The following PCCA variants were observed in gnomAD, a reference collection of about 807,000 sequenced individuals.
PCCA encodes the protein propionyl-CoA carboxylase subunit alpha.
A neutral mutation model predicts 101.3 loss-of-function variants in PCCA; 74 were observed. The ratio of observed to expected loss-of-function variants is 0.73; its 90% confidence interval spans 0.61 to 0.89. The LOEUF (loss-of-function observed/expected upper bound fraction) is 0.89. PCCA is among the 40% of genes least tolerant of loss of function. The pLI is 0.00. For missense variants in PCCA, 891 were observed against 907.0 expected (o/e 0.98, Z 0.23); for synonymous variants, 294 against 313.6 (o/e 0.94, Z 0.66).
At chr13:100,343,316 A>G (rs945701985) in intron 18 of PCCA, among the ~76,000 whole-genome samples, 1 of 151,856 alleles carries the variant, frequency 6.6e-6, no homozygotes, top group Non-Finnish European at 1.5e-5. Context: ...GCTCAGCATC[A>G]TCGGTCAGTG....
At chr13:100,332,979 G>T (rs2069868538) in intron 17 of PCCA, among the ~76,000 whole-genome samples, 1 of 152,166 alleles carries the variant, frequency 6.6e-6, no homozygotes, top group East Asian at 1.9e-4. Flanking sequence ...TATTTGAGTA[G>T]TCTTTGAGTT....
intron 6 of PCCA, among the ~76,000 whole-genome samples, chr13:100,179,309 A>T (rs2056555596): frequency 6.6e-6 from 1 of 152,120 alleles, no homozygotes; most frequent in Non-Finnish European, 1.5e-5. Context: ...AATGACTTTC[A>T]TGCCACCCTT....
chr13:100,310,138 A>G (rs1468771890), intron 16 of PCCA, among the ~76,000 whole-genome samples: 1 of 152,210 alleles, frequency 6.6e-6, no homozygotes, highest in Non-Finnish European at 1.5e-5. Context: ...ATTACTCTAT[A>G]TAACCAGTAC....
intron 7 of PCCA, among the ~76,000 whole-genome samples, chr13:100,231,651 G>A (rs1327305704): frequency 6.6e-6 from 1 of 152,082 alleles, no homozygotes; most frequent in African/African-American, 2.4e-5. Flanking sequence ...GATTCTTATG[G>A]TAAAAAAGTT....
intron 20 of PCCA, among the ~76,000 whole-genome samples, chr13:100,443,955 C>T (rs902615668): frequency 4.6e-5 from 7 of 152,036 alleles, no homozygotes; most frequent in Non-Finnish European, 8.8e-5. Flanking sequence ...CTCAGACCAC[C>T]GTCTTTCTAA....
intron 21 of PCCA, among the ~76,000 whole-genome samples, chr13:100,503,953 G>T (rs1200978966): frequency 6.6e-6 from 1 of 152,130 alleles, no homozygotes; most frequent in East Asian, 1.9e-4. Flanking sequence ...AAATGTATTT[G>T]TAGTATACAT....
chr13:100,349,108 A>G (rs1238893839), intron 18 of PCCA, among the ~76,000 whole-genome samples: 1 of 150,966 alleles, frequency 6.6e-6, no homozygotes, highest in Non-Finnish European at 1.5e-5. Context: ...AGGCCCGGCT[A>G]ATTTTTGTAT....
chr13:100,228,292 A>G (rs1179908468), intron 7 of PCCA, among the ~76,000 whole-genome samples: 1 of 152,222 alleles, frequency 6.6e-6, no homozygotes, highest in Non-Finnish European at 1.5e-5. Context: ...CTGGGATTAC[A>G]GGCGTGAGCC....
chr13:100,447,273 A>G (rs994540215), intron 20 of PCCA, among the ~76,000 whole-genome samples: 1 of 152,000 alleles, frequency 6.6e-6, no homozygotes, highest in Non-Finnish European at 1.5e-5. Context: ...AGTCCCAGCT[A>G]CTTGGGAGGC....
intron 21 of PCCA, among the ~76,000 whole-genome samples, chr13:100,471,537 A>T (rs1205809492): frequency 6.6e-6 from 1 of 152,254 alleles, no homozygotes; most frequent in East Asian, 1.9e-4. Context: ...GAAGCCTAAT[A>T]AAATGAGGTA....
intron 17 of PCCA, among the ~76,000 whole-genome samples, chr13:100,334,131 T>G (rs1036540540): frequency 6.6e-6 from 1 of 152,088 alleles, no homozygotes; most frequent in African/African-American, 2.4e-5. Context: ...GGAAACCCAG[T>G]TCCATTTGAG....
At chr13:100,248,904 G>T (rs933177771) in intron 8 of PCCA, among the ~76,000 whole-genome samples, 9 of 151,704 alleles carry the variant, frequency 5.9e-5, no homozygotes, top group Non-Finnish European at 1.3e-4. Flanking sequence ...CCGCCACCAC[G>T]CCTGGCTAAT....
chr13:100,315,723 G>C (rs2067286285), intron 16 of PCCA, among the ~76,000 whole-genome samples: 1 of 152,134 alleles, frequency 6.6e-6, no homozygotes, highest in Non-Finnish European at 1.5e-5. Flanking sequence ...ACTCCTAGGG[G>C]CCTCTTCTCT....
intron 7 of PCCA, among the ~76,000 whole-genome samples, chr13:100,234,769 A>C (rs1316805177): frequency 6.6e-6 from 1 of 151,866 alleles, no homozygotes; most frequent in Non-Finnish European, 1.5e-5. Context: ...AGCTTAAAAA[A>C]CACTGGGCTT....
At chr13:100,382,821 TATAAG>T (rs766564333) in intron 19 of PCCA, among the ~76,000 whole-genome samples, 9 of 152,060 alleles carry the variant, frequency 5.9e-5, no homozygotes, top group South Asian at 4.2e-4. Context: ...AATCTGTACT[TATAAG>T]GGAAGGCAGA....
chr13:100,128,464 G>A (rs75472125), intron 4 of PCCA, among the ~76,000 whole-genome samples: 1,838 of 152,270 alleles, frequency 0.012, 44 homozygotes, highest in African/African-American at 0.033. Context: ...TGTGATAAGT[G>A]TTATGAGGGA....
At chr13:100,281,522 A>G (rs1363217128) in intron 12 of PCCA, among the ~76,000 whole-genome samples, 1 of 152,154 alleles carries the variant, frequency 6.6e-6, no homozygotes, top group Admixed American at 6.5e-5. Flanking sequence ...TATATATGCA[A>G]TTTGCTGGGA....
chr13:100,391,718 A>G (rs2076808403), intron 19 of PCCA, among the ~76,000 whole-genome samples: 1 of 152,198 alleles, frequency 6.6e-6, no homozygotes. Flanking sequence ...TTTATAAAGT[A>G]TGTTCTAGGG....
intron 16 of PCCA, among the ~76,000 whole-genome samples, chr13:100,327,905 G>T (rs920265881): frequency 6.6e-6 from 1 of 152,032 alleles, no homozygotes; most frequent in Non-Finnish European, 1.5e-5. Context: ...TTTATATGTT[G>T]GTAGATACAA....
Sources: allele counts gnomAD v4.1 joint callset (sites outside exome capture counted in the v4.1 genomes callset), GRCh38; gene constraint gnomAD v4.1.1; transcripts MANE v1.5; gene names NCBI Gene and HGNC (gene_info 2026-07-23, HGNC 2026-07-21).